Variants in PLEKHH2 observed in about 807,000 individuals in gnomAD.
The protein encoded by PLEKHH2 is pleckstrin homology domain-containing family H member 2.
Under a neutral mutation model 187.9 loss-of-function variants are expected in PLEKHH2, and 129 were observed. That is an observed-to-expected ratio of 0.69 (90% CI 0.59 to 0.79). PLEKHH2 has a LOEUF of 0.79. PLEKHH2 is among the 30% of genes least tolerant of loss of function. PLEKHH2 has a pLI of 0.00. For missense variants in PLEKHH2, 2,076 were observed against 1,751.2 expected, an observed-to-expected ratio of 1.19 and a Z score of -3.31; for synonymous variants, 686 against 605.6, an observed-to-expected ratio of 1.13 and a Z score of -1.95.
intron 3 of PLEKHH2, chr2:43,681,078 C>T: frequency 8.2e-7 from 1 of 1,223,032 alleles, no homozygotes; most frequent in South Asian, 1.4e-5. Context: ...TACTGTTCCA[C>T]TATTTGAATG....
intron 25 of PLEKHH2, among the ~76,000 whole-genome samples, chr2:43,755,073 A>G (rs1433866407): frequency 6.6e-6 from 1 of 151,894 alleles, no homozygotes; most frequent in Non-Finnish European, 1.5e-5. Context: ...GGGTTTCACC[A>G]TGTTGGCCAG....
intron 2 of PLEKHH2, among the ~76,000 whole-genome samples, chr2:43,668,652 G>A (rs1184099086): frequency 6.6e-6 from 1 of 152,046 alleles, no homozygotes; most frequent in Non-Finnish European, 1.5e-5. Context: ...ACAATGAATG[G>A]GTCAGAGTAG....
chr2:43,675,945 G>GT, intron 2 of PLEKHH2: 5 of 1,613,980 alleles, frequency 3.1e-6, no homozygotes, highest in Non-Finnish European at 4.2e-6. Context: ...TTTCAAAGAC[G>GT]TATTTGTAAG....
chr2:43,681,463 C>T (rs1359010329), intron 3 of PLEKHH2: 4 of 1,545,860 alleles, frequency 2.6e-6, no homozygotes, highest in South Asian at 2.4e-5. Context: ...TCCTCTTCCT[C>T]TCCTTTTCCA....
chr2:43,640,338 C>T (rs113915962), intron 1 of PLEKHH2, among the ~76,000 whole-genome samples: 72 of 151,956 alleles, frequency 4.7e-4, no homozygotes, highest in African/African-American at 1.7e-3. Flanking sequence ...CACAGGTAAG[C>T]TCCCCGACGC....
At chr2:43,685,039 C>G (rs1466188731) in intron 3 of PLEKHH2, among the ~76,000 whole-genome samples, 1 of 152,132 alleles carries the variant, frequency 6.6e-6, no homozygotes, top group African/African-American at 2.4e-5. Flanking sequence ...ATGAAGTCAC[C>G]TTTTTTGGCC....
In PLEKHH2 at chr2:43,743,963, G is replaced by C. The variant is rs1488320917; in HGVS notation, c.3529G>C (p.Glu1177Gln). The change falls in exon 23 of 30, where the codon GAG (glutamate) becomes CAG (glutamine). Residue 1177 changes from glutamate (E) to glutamine (Q), a missense_variant. By Grantham distance (29) the Glu-to-Gln change is conservative. Coordinates refer to ENST00000282406, the MANE Select transcript of PLEKHH2 (RefSeq NM_172069.4). ...FTDDPSGRDL[E>Q]HCLQGNIKIC... ...TGACGATCCTTCTGGCAGAGATTTA[G>C]AGCATTGTCTTCAAGGAAACATCAA... 3 of 1,614,036 alleles carry C rather than the reference G, an allele frequency of 1.9e-6. No homozygotes were observed. Among genetic ancestry groups the C allele is most frequent in the Admixed American group, 1.7e-5 (1 of 60,030 alleles).
intron 1 of PLEKHH2, 64 bp from the exon 2 acceptor site, chr2:43,644,607 A>T: frequency 1.6e-6 from 2 of 1,263,370 alleles, no homozygotes; most frequent in Non-Finnish European, 2.2e-6. Flanking sequence ...CTGAATATTA[A>T]TTGTGTTGTA....
rs548319866 is a variant in PLEKHH2, at chr2:43,735,555, C to G, written c.2944-2786C>G. On this transcript the variant is annotated intron_variant, in intron 19 of 29. Coordinates refer to ENST00000282406, the MANE Select transcript of PLEKHH2 (RefSeq NM_172069.4). ...GCTGACAAGGACTTAGAGTATATTT[C>G]AAAATACTTAGAAGAGAAGATTTGG... is the stretch of plus-strand genomic sequence containing the variant. Among the ~76,000 whole-genome samples, 10 of 152,230 alleles carry G rather than the reference C, an allele frequency of 6.6e-5. No individual in the cohort carries two copies. In the East Asian group the frequency reaches 1.7e-3, roughly 26 times the overall value.
intron 15 of PLEKHH2, among the ~76,000 whole-genome samples, chr2:43,715,212 G>A (rs1272365126): frequency 4.6e-5 from 7 of 151,802 alleles, no homozygotes; most frequent in African/African-American, 1.5e-4. Flanking sequence ...AGAGATGGAG[G>A]TTGAAATCAG....
chr2:43,719,376 G>A (rs1011203564), intron 15 of PLEKHH2, among the ~76,000 whole-genome samples: 2 of 152,116 alleles, frequency 1.3e-5, no homozygotes, highest in Non-Finnish European at 1.5e-5. Context: ...GGCATCAAAT[G>A]TTTTTGAATG....
chr2:43,683,725 C>T (rs1334989177), intron 3 of PLEKHH2, among the ~76,000 whole-genome samples: 1 of 151,716 alleles, frequency 6.6e-6, no homozygotes, highest in Non-Finnish European at 1.5e-5. Flanking sequence ...AAGACTACTT[C>T]TTGGGTGATA....
In PLEKHH2 at chr2:43,753,680, C is replaced by T. The variant is rs1208282441; in HGVS notation, c.3715C>T (p.Gln1239Ter). Residue 1239 changes from glutamine (Q) to a stop codon, truncating the protein, a stop_gained, in exon 25 of 30, where the codon CAG becomes TAG. Coordinates refer to ENST00000282406, the MANE Select transcript of PLEKHH2 (RefSeq NM_172069.4). LOFTEE classifies it high-confidence loss of function. ...TAGAGAAAAGTTGCTGTTAATGTAT[C>T]AGACAAATGATCAAATCATAAATGG... ...TDREKLLLMY[Q>*]TNDQIINGLF... 1 of 1,582,186 alleles carries T rather than the reference C, an allele frequency of 6.3e-7. No homozygotes were observed. The highest frequency in any genetic ancestry group is 1.4e-5 in the African/African-American group (1 of 73,328).
At chr2:43,694,072 C>T (rs909699938) in intron 4 of PLEKHH2, among the ~76,000 whole-genome samples, 3 of 152,044 alleles carry the variant, frequency 2.0e-5, no homozygotes, top group Non-Finnish European at 4.4e-5. Context: ...AAAAAAAAAG[C>T]CATGCCCCTA....
At chr2:43,657,040 CAAAATAAAACA>C (rs1040878966) in intron 2 of PLEKHH2, among the ~76,000 whole-genome samples, 4 of 60,666 alleles carry the variant, frequency 6.6e-5, no homozygotes, top group Admixed American at 1.4e-4. Flanking sequence ...CAAAACAAAA[CAAAATAAAACA>C]AAAAAACCTT....
chr2:43,723,268 A>C (rs1356442641), intron 16 of PLEKHH2, among the ~76,000 whole-genome samples: 1 of 152,228 alleles, frequency 6.6e-6, no homozygotes, highest in Non-Finnish European at 1.5e-5. Flanking sequence ...GGCAGGCCTG[A>C]GAATTAAATT....
In PLEKHH2 at chr2:43,726,330, G is replaced by C. The variant is rs1311536467; in HGVS notation, c.2600G>C (p.Cys867Ser). The change falls in exon 17 of 30, where the codon TGT becomes TCT. Residue 867 changes from cysteine to serine, a missense_variant. By Grantham distance (112) the Cys-to-Ser change is moderately radical (BLOSUM62 -1). Coordinates refer to ENST00000282406, the MANE Select transcript of PLEKHH2 (RefSeq NM_172069.4). ...EAKVEEVDRS[C>S]DSDEDYEASG... ...AAAGTGGAAGAGGTTGACAGATCTTGTGATTCAGATGAAGATTATGAAGCC... is the reference window on the plus strand; with the variant it reads ...AAAGTGGAAGAGGTTGACAGATCTTCTGATTCAGATGAAGATTATGAAGCC... 6.2e-7 allele frequency: 1 copy of C among 1,612,190 alleles called. No homozygotes were observed.
chr2:43,745,527 G>A (rs7579652), intron 23 of PLEKHH2, among the ~76,000 whole-genome samples: 28,674 of 151,952 alleles, frequency 0.19, 2,986 homozygotes, highest in Middle Eastern at 0.3. Context: ...TTTTGAACTC[G>A]GAAGGTGAAA....
chr2:43,658,206 G>A (rs1666888160), intron 2 of PLEKHH2, among the ~76,000 whole-genome samples: 1 of 152,080 alleles, frequency 6.6e-6, no homozygotes, highest in Admixed American at 6.6e-5. Flanking sequence ...TTACTCACTT[G>A]TTTTCTTCTG....
Sources: allele counts gnomAD v4.1 joint callset (sites outside exome capture counted in the v4.1 genomes callset), GRCh38; gene constraint gnomAD v4.1.1; transcripts MANE v1.5; gene names NCBI Gene and HGNC (gene_info 2026-07-23, HGNC 2026-07-21).